SLC2A13: variants seen among roughly 807,000 people sequenced by gnomAD.
SLC2A13 encodes the protein proton myo-inositol cotransporter.
In SLC2A13, 32 loss-of-function variants were observed where a neutral mutation model predicts 64.4. The observed-to-expected ratio is 0.50, with a 90% CI of 0.37 to 0.67. SLC2A13 has a LOEUF of 0.67. Ranked by LOEUF, SLC2A13 falls within the 30% of genes least tolerant of loss-of-function variation. SLC2A13 has a pLI of 0.00. For synonymous variants in SLC2A13, 338 were observed against 327.1 expected, an observed-to-expected ratio of 1.03 and a Z score of -0.36; for missense variants, 743 against 829.2, an observed-to-expected ratio of 0.90 and a Z score of 1.28.
chr12:39,807,823 A>G (rs1413841558), intron 7 of SLC2A13, among the ~76,000 whole-genome samples: 1 of 152,128 alleles, frequency 6.6e-6, no homozygotes, highest in Non-Finnish European at 1.5e-5. Context: ...CCAACTTTTA[A>G]TAATCGTACC....
chr12:39,922,130 C>T (rs1233302010), intron 4 of SLC2A13, among the ~76,000 whole-genome samples: 1 of 152,016 alleles, frequency 6.6e-6, no homozygotes, highest in Non-Finnish European at 1.5e-5. Flanking sequence ...TAAAAAAACC[C>T]AAAAAACCAT....
intron 1 of SLC2A13, among the ~76,000 whole-genome samples, chr12:40,091,233 T>C (rs1332602617): frequency 1.3e-5 from 2 of 152,226 alleles, no homozygotes; most frequent in African/African-American, 2.4e-5. Flanking sequence ...TGAAATGTCA[T>C]TATGTGGCAC....
At chr12:39,774,601 G>A (rs1480041621) in intron 7 of SLC2A13, among the ~76,000 whole-genome samples, 1 of 119,370 alleles carries the variant, frequency 8.4e-6, no homozygotes, top group African/African-American at 3.1e-5. Context: ...TTTTTTTTTT[G>A]GTTTTGTAAT....
At chr12:40,010,732 T>C (rs1947516922) in intron 3 of SLC2A13, among the ~76,000 whole-genome samples, 1 of 152,244 alleles carries the variant, frequency 6.6e-6, no homozygotes, top group Admixed American at 6.5e-5. Flanking sequence ...TATATTTTTC[T>C]TTCTTTAAAT....
At chr12:39,906,470 T>C (rs1055364983) in intron 4 of SLC2A13, among the ~76,000 whole-genome samples, 1 of 152,148 alleles carries the variant, frequency 6.6e-6, no homozygotes, top group Non-Finnish European at 1.5e-5. Flanking sequence ...AGGGGAAAGT[T>C]ACAGCATTTA....
intron 6 of SLC2A13, chr12:39,835,576 T>G (rs1372891725): frequency 6.6e-6 from 1 of 152,116 alleles, no homozygotes; most frequent in African/African-American, 2.4e-5. Flanking sequence ...CTAATCCACA[T>G]TTAGTAAAGC....
At chr12:39,935,079 T>C (rs1216586732) in intron 4 of SLC2A13, among the ~76,000 whole-genome samples, 2 of 152,174 alleles carry the variant, frequency 1.3e-5, no homozygotes, top group African/African-American at 4.8e-5. Flanking sequence ...TATGGAAATC[T>C]TCAGTGTTGA....
At position 40,065,205 on chromosome 12, in the gene SLC2A13, C is replaced by T. The variant is rs11564217; in HGVS notation, c.557-16995G>A. ...ACATGAAAATAAATTGCTGAGAGTA[C>T]ACAATAATTATGGATTATTCTGGCT... On this transcript the variant is annotated intron_variant, in intron 1 of 9. Transcript: ENST00000280871. Among the ~76,000 whole-genome samples the T allele has an allele frequency of 7.5e-3, 1,146 of 152,246 alleles. 8 individuals are homozygous for T. Among genetic ancestry groups the T allele is most frequent in the Middle Eastern group, 0.048 (14 of 294 alleles).
intron 3 of SLC2A13, among the ~76,000 whole-genome samples, chr12:40,023,293 T>C (rs1338923567): frequency 6.6e-6 from 1 of 152,098 alleles, no homozygotes; most frequent in East Asian, 1.9e-4. Context: ...CACTTCAGAG[T>C]GGAGAGGAGG....
intron 3 of SLC2A13, among the ~76,000 whole-genome samples, chr12:39,994,308 G>A (rs904688327): frequency 7.3e-5 from 11 of 151,364 alleles, no homozygotes; most frequent in Middle Eastern, 3.2e-3. Flanking sequence ...GCTTGAACCC[G>A]GGAGGCGGAG....
chr12:40,074,852 T>C (rs1938107123), intron 1 of SLC2A13, among the ~76,000 whole-genome samples: 1 of 152,190 alleles, frequency 6.6e-6, no homozygotes, highest in Non-Finnish European at 1.5e-5. Context: ...TCTCAAGCTT[T>C]AGTGAGGCTG....
intron 9 of SLC2A13, among the ~76,000 whole-genome samples, chr12:39,762,122 T>G (rs1356412079): frequency 6.6e-6 from 1 of 152,086 alleles, no homozygotes; most frequent in Admixed American, 6.6e-5. Context: ...CAAAACTGCC[T>G]ACTCAGTGTG....
At position 40,105,058 on chromosome 12, in the gene SLC2A13, C is replaced by CA. The variant is rs1397651226; in HGVS notation, c.556+194_556+195insT. On this transcript the variant is annotated intron_variant, in intron 1 of 9. Coordinates refer to ENST00000280871, the MANE Select transcript of SLC2A13 (RefSeq NM_052885.4). This position sits in a 1 kb window ranked among gnomAD's most constrained non-coding sequence, Gnocchi z 4.2. ...AGACTAGAGTGACACCCCCTCCCCC[C>CA]CGACCCTCCCACCTCCCGGGAGAGC... Among the ~76,000 whole-genome samples the CA allele has an allele frequency of 6.6e-6, 1 of 152,168 alleles. No homozygotes were observed. Among genetic ancestry groups the CA allele is most frequent in the African/African-American group, 2.4e-5 (1 of 41,442 alleles).
intron 4 of SLC2A13, among the ~76,000 whole-genome samples, chr12:39,938,457 T>C (rs1945958044): frequency 6.6e-6 from 1 of 150,960 alleles, no homozygotes; most frequent in Non-Finnish European, 1.5e-5. Flanking sequence ...AATCCCTAGG[T>C]AGGGATTTGA....
At chr12:40,087,565 C>T (rs1313007828) in intron 1 of SLC2A13, among the ~76,000 whole-genome samples, 1 of 152,154 alleles carries the variant, frequency 6.6e-6, no homozygotes, top group African/African-American at 2.4e-5. Context: ...CCCAATGCTC[C>T]CATTTATGTA....
chr12:40,061,489 C>A (rs985531701), intron 1 of SLC2A13, among the ~76,000 whole-genome samples: 2 of 151,990 alleles, frequency 1.3e-5, no homozygotes, highest in Non-Finnish European at 2.9e-5. Flanking sequence ...GAAAGAAACA[C>A]AATCAAAAAT....
At chr12:39,959,627 C>G (rs7305863) in intron 3 of SLC2A13, among the ~76,000 whole-genome samples, 29,387 of 152,108 alleles carry the variant, frequency 0.19, 3,225 homozygotes, top group Middle Eastern at 0.26. Flanking sequence ...TCAAAAGTAT[C>G]TACATAAATG....
chr12:40,016,309 T>G (rs1441114944), intron 3 of SLC2A13, among the ~76,000 whole-genome samples: 1 of 152,208 alleles, frequency 6.6e-6, no homozygotes, highest in Non-Finnish European at 1.5e-5. Flanking sequence ...TTTTCAGTAA[T>G]TCTTGTGAAA....
intron 4 of SLC2A13, chr12:39,950,909 T>G: frequency 3.3e-6 from 1 of 299,722 alleles, no homozygotes; most frequent in South Asian, 1.1e-4. Flanking sequence ...TCTCTGGCAA[T>G]GCCAGGTGAT....
Sources: gnomAD v4.1 joint callset for allele counts (sites outside exome capture counted in the v4.1 genomes callset) on GRCh38, gnomAD v4.1.1 for gene constraint, Gnocchi (gnomAD v3.1) non-coding constraint, MANE v1.5 for transcripts, NCBI Gene and HGNC (gene_info 2026-07-23, HGNC 2026-07-21) for gene names.